Variants in DOCK7 observed in about 807,000 individuals in gnomAD.
The protein encoded by DOCK7 is dedicator of cytokinesis protein 7.
DOCK7 carries 138 observed loss-of-function variants against 271.0 expected under a neutral mutation model. The ratio of observed to expected loss-of-function variants is 0.51; its 90% CI spans 0.44 to 0.59. The LOEUF (loss-of-function observed/expected upper bound fraction) is 0.59, where lower values mean the gene tolerates loss of function less well. Ranked by LOEUF, DOCK7 falls within the 20% of genes least tolerant of loss-of-function variation. The pLI is 0.00. For synonymous variants in DOCK7, 823 were observed against 876.1 expected, an observed-to-expected ratio of 0.94 and a Z score of 1.07; for missense variants, 2,066 against 2,592.4, an observed-to-expected ratio of 0.80 and a Z score of 4.41.
At chr1:62,492,998 T>C (rs1209760273) in intron 40 of DOCK7, 151 bp from the exon 41 acceptor site, 1 of 606,048 alleles carries the variant, frequency 1.7e-6, no homozygotes, top group Non-Finnish European at 2.7e-6. Context: ...CTCTAAAAAC[T>C]TTCTGTATTT....
At chr1:62,531,923 A>T (rs1645185989) in intron 29 of DOCK7, among the ~76,000 whole-genome samples, 1 of 152,258 alleles carries the variant, frequency 6.6e-6, no homozygotes, top group South Asian at 2.1e-4. Flanking sequence ...GCCTGTTCTC[A>T]TGCTCTCACA....
Position 62,507,992 on chromosome 1 carries a change from G to C in DOCK7, c.4446C>G (p.Ile1482Met), listed in dbSNP as rs368644285. Residue 1482 changes from isoleucine to methionine, a missense_variant, in exon 35 of 50, where the codon ATC (isoleucine) becomes ATG (methionine). By Grantham distance (10) the Ile-to-Met change is conservative. Around this residue, in one of 2 missense-constraint regions of DOCK7, gnomAD observed 652 missense variants for 922.1 expected, o/e 0.71. Transcript: ENST00000635253. Reference sequence around the variant, plus strand: ...CAACAATCTCTAATGTATCTAAAATGATTAGGTTTGCTTCTGTAGCCAGGT... The same window carrying C: ...CAACAATCTCTAATGTATCTAAAATCATTAGGTTTGCTTCTGTAGCCAGGT... ...DGNLATEANLIILDTLEIVVQ... is the reference protein window; with the variant it reads ...DGNLATEANLMILDTLEIVVQ... 3.7e-6 allele frequency: 6 copies of C among 1,612,708 alleles called. No homozygotes were observed. In the African/African-American group the frequency reaches 8.0e-5, roughly 22 times the overall value.
At chr1:62,583,404 A>G (rs1571643561) in intron 15 of DOCK7, 150 bp from the exon 16 acceptor site, 5 of 589,118 alleles carry the variant, frequency 8.5e-6, no homozygotes, top group East Asian at 2.7e-5. Flanking sequence ...ACGTTCATCA[A>G]AAAGTTCAAT....
chr1:62,670,191 T>G (rs1281169579), intron 1 of DOCK7, among the ~76,000 whole-genome samples: 2 of 152,232 alleles, frequency 1.3e-5, no homozygotes, highest in Non-Finnish European at 1.5e-5. Flanking sequence ...TGGGCTCCTT[T>G]GCGGCCCGAG....
At chr1:62,583,117 C>A in intron 16 of DOCK7, 67 bp downstream of exon 16, 3 of 1,304,000 alleles carry the variant, frequency 2.3e-6, no homozygotes, top group Non-Finnish European at 3.3e-6. Context: ...GGTAAACACA[C>A]TAATGTGAGT....
intron 48 of DOCK7, chr1:62,458,171 GT>G (rs1645404827): frequency 6.2e-6 from 1 of 162,184 alleles, no homozygotes; most frequent in South Asian, 1.8e-4. Flanking sequence ...GTGTGTGTGT[GT>G]GTGTGTGTGT....
At chr1:62,534,849 T>C (rs556350487) in intron 29 of DOCK7, among the ~76,000 whole-genome samples, 1 of 152,110 alleles carries the variant, frequency 6.6e-6, no homozygotes, top group African/African-American at 2.4e-5. Context: ...TCCCAGCACT[T>C]TGGGAGGCTG....
chr1:62,584,050 A>T, intron 15 of DOCK7: 1 of 698,466 alleles, frequency 1.4e-6, no homozygotes, highest in Non-Finnish European at 1.8e-6. Flanking sequence ...AGCCATCTTT[A>T]CATATGCATG....
At chr1:62,591,775 C>T (rs1402526391) in intron 14 of DOCK7, among the ~76,000 whole-genome samples, 2 of 152,198 alleles carry the variant, frequency 1.3e-5, no homozygotes, top group Non-Finnish European at 2.9e-5. Flanking sequence ...CTTCCCCCAT[C>T]ACACCACTTT....
chr1:62,625,791 T>C (rs1653876544), intron 11 of DOCK7, among the ~76,000 whole-genome samples: 1 of 152,218 alleles, frequency 6.6e-6, no homozygotes, highest in Admixed American at 6.5e-5. Context: ...GTATTCAAAG[T>C]ACTTGCAAGA....
intron 14 of DOCK7, among the ~76,000 whole-genome samples, chr1:62,587,953 A>AAATAGAAT (rs1647815226): frequency 6.6e-6 from 1 of 152,168 alleles, no homozygotes; most frequent in South Asian, 2.1e-4. Context: ...AAAATATATG[A>AAATAGAAT]TCTTTACAAT....
At chr1:62,516,379 G>A (rs967781228) in intron 31 of DOCK7, among the ~76,000 whole-genome samples, 1 of 152,080 alleles carries the variant, frequency 6.6e-6, no homozygotes, top group Admixed American at 6.6e-5. Flanking sequence ...CTACAAAAAA[G>A]GATTTGAGGG....
At chr1:62,457,181 G>A (rs1389304575) in intron 49 of DOCK7, among the ~76,000 whole-genome samples, 2 of 152,158 alleles carry the variant, frequency 1.3e-5, no homozygotes, top group Non-Finnish European at 2.9e-5. Context: ...TTTGTGTGGT[G>A]TCCCGGTTAA....
chr1:62,494,697 C>A, intron 39 of DOCK7: 1 of 363,688 alleles, frequency 2.7e-6, no homozygotes, highest in Non-Finnish European at 4.9e-6. Flanking sequence ...AAGAAATACG[C>A]CATATTAAAT....
chr1:62,638,740 G>A (rs539472333), intron 7 of DOCK7, among the ~76,000 whole-genome samples: 2 of 150,340 alleles, frequency 1.3e-5, no homozygotes, highest in East Asian at 2.0e-4. Context: ...ATATATATAT[G>A]AGAAACACAT....
intron 14 of DOCK7, among the ~76,000 whole-genome samples, chr1:62,615,332 C>T (rs992103844): frequency 1.3e-5 from 2 of 151,788 alleles, no homozygotes; most frequent in African/African-American, 2.4e-5. Flanking sequence ...AATTATTAAT[C>T]GCTTTCTTAA....
chr1:62,547,326 T>C (rs901523924), intron 22 of DOCK7, among the ~76,000 whole-genome samples: 4 of 152,220 alleles, frequency 2.6e-5, no homozygotes, highest in Admixed American at 1.3e-4. Context: ...TCATCACTTA[T>C]ATTTAATATA....
At chr1:62,607,792 A>G (rs544685346) in intron 14 of DOCK7, 1 of 152,282 alleles carries the variant, frequency 6.6e-6, no homozygotes, top group East Asian at 1.9e-4. Flanking sequence ...TACTTTATAA[A>G]TCTATCTTCA....
At chr1:62,609,574 T>C (rs904452670) in intron 14 of DOCK7, 7 of 152,254 alleles carry the variant, frequency 4.6e-5, no homozygotes. Context: ...ATGTATATAC[T>C]TTTTAAAAAC....
Sources: gnomAD v4.1 joint callset for allele counts (sites outside exome capture counted in the v4.1 genomes callset) on GRCh38, gnomAD v4.1.1 for gene constraint, gnomAD v4.1.1 regional missense constraint, MANE v1.5 for transcripts, NCBI Gene and HGNC (gene_info 2026-07-23, HGNC 2026-07-21) for gene names.